Variants in SYN3 observed in about 807,000 individuals in gnomAD.
The protein encoded by SYN3 is synapsin-3.
Under a neutral mutation model 65.8 loss-of-function variants are expected in SYN3, and 35 were observed. That is an observed-to-expected ratio of 0.53 (90% confidence interval 0.41 to 0.70). SYN3 has a LOEUF of 0.70. Among genes scored for constraint, SYN3 ranks in the 30% least tolerant of loss-of-function variants. The pLI is 0.00. For missense variants in SYN3, 680 were observed against 749.0 expected, an observed-to-expected ratio of 0.91 and a Z score of 1.08; for synonymous variants, 270 against 292.9, an observed-to-expected ratio of 0.92 and a Z score of 0.80.
Position 33,006,369 on chromosome 22 carries a change from A to G in SYN3, c.294T>C (p.Asp98=), listed in dbSNP as rs753031702. 9 of 1,612,656 alleles carry G rather than the reference A, an allele frequency of 5.6e-6. No homozygotes were observed. The highest frequency in any genetic ancestry group is 1.7e-5 in the Admixed American group (1 of 59,866). Residue 98 remains aspartate, a synonymous_variant, in exon 2 of 14, where the codon GAT becomes GAC. Coordinates refer to ENST00000358763, the MANE Select transcript of SYN3 (RefSeq NM_003490.4). ...CTACTTACCAGTCTGTATGGGCATC[A>G]TCGATCACCAACAGGATCCTGGGTC... ...VQRPRILLVI[D]DAHTDWSKYF...
chr22:32,640,333 C>T (rs1030589831), intron 6 of SYN3, among the ~76,000 whole-genome samples: 1 of 152,202 alleles, frequency 6.6e-6, no homozygotes, highest in Non-Finnish European at 1.5e-5. Context: ...TCAGAATCGA[C>T]CAAAGTGCTG....
At chr22:32,995,501 G>C (rs1180343543) in intron 2 of SYN3, among the ~76,000 whole-genome samples, 1 of 152,132 alleles carries the variant, frequency 6.6e-6, no homozygotes, top group African/African-American at 2.4e-5. Flanking sequence ...AGCCACTGCT[G>C]GTTGTGCCAG....
At chr22:32,978,047 G>A (rs1474315005) in intron 3 of SYN3, among the ~76,000 whole-genome samples, 1 of 152,214 alleles carries the variant, frequency 6.6e-6, no homozygotes, top group East Asian at 1.9e-4. Flanking sequence ...AGGAGTCTTT[G>A]AGGAAAGGAT....
At chr22:32,989,079 C>G (rs1473741735) in intron 2 of SYN3, among the ~76,000 whole-genome samples, 3 of 152,134 alleles carry the variant, frequency 2.0e-5, no homozygotes, top group African/African-American at 7.2e-5. Context: ...ATGAGCTGCT[C>G]CCCGATGGGC....
intron 1 of SYN3, among the ~76,000 whole-genome samples, chr22:33,009,838 A>ATTTAAAG (rs2053307345): frequency 6.6e-6 from 1 of 151,720 alleles, no homozygotes; most frequent in African/African-American, 2.4e-5. Context: ...AAAGTCTTAT[A>ATTTAAAG]TATATCTGCA....
intron 4 of SYN3, among the ~76,000 whole-genome samples, chr22:32,913,981 G>A (rs866758088): frequency 5.3e-5 from 8 of 152,342 alleles, no homozygotes; most frequent in Middle Eastern, 3.4e-3. Context: ...ATTGGGTGCT[G>A]ACTATATGGC....
chr22:32,594,533 G>T (rs1359091792), intron 7 of SYN3, among the ~76,000 whole-genome samples: 1 of 151,668 alleles, frequency 6.6e-6, no homozygotes, highest in East Asian at 1.9e-4. Flanking sequence ...TGTTGCCCAG[G>T]CTGGAGTGCA....
At position 32,564,709 on chromosome 22, in the gene SYN3, C is replaced by G. The variant is rs146990075; in HGVS notation, c.775-22996G>C. On this transcript the variant is annotated intron_variant, in intron 7 of 13. Transcript: ENST00000358763. ...AGAGTGCTCTCGGACTGCACCCAAACAGTGCTCCCGGACTGCACCCAAACA... is the reference window on the plus strand; with the variant it reads ...AGAGTGCTCTCGGACTGCACCCAAAGAGTGCTCCCGGACTGCACCCAAACA... 3.3e-5 allele frequency among the ~76,000 whole-genome samples: 5 copies of G among 151,408 alleles called. No homozygotes were observed. In the East Asian group the frequency reaches 7.8e-4, roughly 24 times the overall value.
intron 4 of SYN3, among the ~76,000 whole-genome samples, chr22:32,878,245 G>A (rs1190080935): frequency 6.6e-6 from 1 of 152,124 alleles, no homozygotes; most frequent in Admixed American, 6.5e-5. Flanking sequence ...AAGGTCTGTC[G>A]TGCTCCCAGG....
At chr22:32,522,669 C>T (rs192281593) in intron 12 of SYN3, among the ~76,000 whole-genome samples, 18 of 152,198 alleles carry the variant, frequency 1.2e-4, no homozygotes, top group Admixed American at 7.2e-4. Flanking sequence ...CATAGTTATT[C>T]GTAGTAAATT....
intron 6 of SYN3, among the ~76,000 whole-genome samples, chr22:32,615,359 A>C (rs896820308): frequency 6.4e-5 from 9 of 139,828 alleles, no homozygotes; most frequent in Non-Finnish European, 9.1e-5. Flanking sequence ...CCCTTAAACC[A>C]GGAGGCGGAG....
intron 7 of SYN3, among the ~76,000 whole-genome samples, chr22:32,563,542 C>T (rs1043790471): frequency 3.9e-5 from 6 of 152,100 alleles, no homozygotes; most frequent in South Asian, 2.1e-4. Flanking sequence ...TGGCATGTTC[C>T]GGGATTGGAG....
intron 1 of SYN3, among the ~76,000 whole-genome samples, chr22:33,047,781 C>T (rs1184400912): frequency 1.3e-5 from 2 of 149,264 alleles, no homozygotes; most frequent in Admixed American, 1.4e-4. Context: ...AACACCTGCT[C>T]TACAGGTTCC....
Position 33,006,638 on chromosome 22 carries a change from A to G in SYN3, c.25T>C (p.Ser9Pro). 6.3e-7 allele frequency: 1 copy of G among 1,592,032 alleles called. No individual in the cohort carries two copies. The highest frequency in any genetic ancestry group is 1.3e-5 in the African/African-American group (1 of 74,608). ...AGGTTGGCCATGAAGCTGCTGTCAG[A>G]GAGACGTCGCCGGAGGAAATTCATG... MNFLRRRL[S>P]DSSFMANLPN... is the part of the protein sequence containing the mutation. Residue 9 changes from serine to proline, a missense_variant, in exon 2 of 14, where the codon TCT becomes CCT. Transcript: ENST00000358763.
In SYN3 at chr22:32,843,494, T is replaced by C. The variant is rs369816368; in HGVS notation, c.711+21421A>G. On this transcript the variant is annotated intron_variant, in intron 6 of 13. Coordinates refer to ENST00000358763, the MANE Select transcript of SYN3 (RefSeq NM_003490.4). ...GACCTCCCTGTGGGTCCCTGACCTA[T>C]TGCCTTTGCCATGAGCACTCCGGCC... 6.6e-5 allele frequency among the ~76,000 whole-genome samples: 10 copies of C among 152,330 alleles called. No individual in the cohort carries two copies. The South Asian group carries it at 2.1e-3, about 32-fold the overall frequency.
intron 12 of SYN3, among the ~76,000 whole-genome samples, chr22:32,522,425 G>T (rs1315457722): frequency 6.6e-6 from 1 of 152,142 alleles, no homozygotes; most frequent in South Asian, 2.1e-4. Flanking sequence ...TTTTAAAACG[G>T]CTCTGTTCAA....
intron 7 of SYN3, among the ~76,000 whole-genome samples, chr22:32,546,685 A>G (rs2058340560): frequency 6.6e-6 from 1 of 151,810 alleles, no homozygotes; most frequent in Non-Finnish European, 1.5e-5. Flanking sequence ...CGCTTTATTT[A>G]CTGGCTGGAA....
chr22:32,621,323 G>C (rs1444819537), intron 6 of SYN3, among the ~76,000 whole-genome samples: 1 of 149,742 alleles, frequency 6.7e-6, no homozygotes, highest in Non-Finnish European at 1.5e-5. Context: ...TCCATTTTAG[G>C]GGCCTCGCTG....
At chr22:33,049,393 T>C (rs999265746) in intron 1 of SYN3, among the ~76,000 whole-genome samples, 4 of 152,174 alleles carry the variant, frequency 2.6e-5, no homozygotes, top group African/African-American at 9.6e-5. Flanking sequence ...CTGCTGCAGC[T>C]AGCTTTGCCC....
Sources: gnomAD v4.1 joint callset for allele counts (sites outside exome capture counted in the v4.1 genomes callset) on GRCh38, gnomAD v4.1.1 for gene constraint, MANE v1.5 for transcripts, NCBI Gene and HGNC (gene_info 2026-07-23, HGNC 2026-07-21) for gene names.